The following UNC5D variants were observed in gnomAD, a reference collection of about 807,000 sequenced individuals.
UNC5D encodes the protein netrin receptor UNC5D.
A neutral mutation model predicts 105.4 loss-of-function variants in UNC5D; 39 were observed. That is an observed-to-expected ratio of 0.37 (90% CI 0.29 to 0.48). The LOEUF is 0.48. UNC5D is among the 20% of genes least tolerant of loss of function. The pLI, the probability that UNC5D is intolerant of heterozygous loss-of-function variation, is 0.98. For synonymous variants in UNC5D, 452 were observed against 450.4 expected, an observed-to-expected ratio of 1.00 and a Z score of -0.04; for missense variants, 991 against 1,202.4, an observed-to-expected ratio of 0.82 and a Z score of 2.60.
intron 1 of UNC5D, among the ~76,000 whole-genome samples, chr8:35,283,992 A>G (rs1200656289): frequency 6.6e-6 from 1 of 152,206 alleles, no homozygotes; most frequent in African/African-American, 2.4e-5. Flanking sequence ...AGTTTTAACA[A>G]GAGTAATTTC....
At chr8:35,405,787 C>T (rs1356097541) in intron 1 of UNC5D, among the ~76,000 whole-genome samples, 2 of 152,028 alleles carry the variant, frequency 1.3e-5, no homozygotes, top group African/African-American at 4.8e-5. Flanking sequence ...GCTTTTAGCA[C>T]TTCTTTCTTG....
intron 4 of UNC5D, among the ~76,000 whole-genome samples, chr8:35,624,053 C>T (rs908675296): frequency 1.3e-5 from 2 of 151,954 alleles, no homozygotes; most frequent in East Asian, 1.9e-4. Context: ...GCACTCCAGC[C>T]TGGGCGACAC....
chr8:35,695,385 T>C (rs1042927685), intron 7 of UNC5D, among the ~76,000 whole-genome samples: 4 of 152,144 alleles, frequency 2.6e-5, no homozygotes, highest in African/African-American at 9.7e-5. Flanking sequence ...AAGTCATACA[T>C]GGTTGTGCAC....
chr8:35,258,423 A>G (rs1291603159), intron 1 of UNC5D, among the ~76,000 whole-genome samples: 1 of 152,178 alleles, frequency 6.6e-6, no homozygotes, highest in East Asian at 1.9e-4. Context: ...GGCAGAGCAC[A>G]CAGTGTGGGG....
At chr8:35,689,451 T>C (rs545895871) in intron 7 of UNC5D, among the ~76,000 whole-genome samples, 65 of 152,316 alleles carry the variant, frequency 4.3e-4, no homozygotes, top group Middle Eastern at 6.8e-3. Flanking sequence ...CAATAGGATA[T>C]GCACACACAT....
intron 1 of UNC5D, among the ~76,000 whole-genome samples, chr8:35,318,563 G>C (rs761856173): frequency 2.0e-5 from 3 of 151,926 alleles, no homozygotes; most frequent in African/African-American, 4.8e-5. Flanking sequence ...GGTTGTTTTA[G>C]GAATAAAAGC....
intron 1 of UNC5D, among the ~76,000 whole-genome samples, chr8:35,343,821 C>A (rs1036715063): frequency 2.6e-5 from 4 of 152,200 alleles, no homozygotes; most frequent in Middle Eastern, 3.4e-3. Flanking sequence ...AATTCTGCAG[C>A]CTTGCTGTTT....
chr8:35,670,005 G>A (rs1376472247), intron 4 of UNC5D, among the ~76,000 whole-genome samples: 1 of 152,124 alleles, frequency 6.6e-6, no homozygotes, highest in Non-Finnish European at 1.5e-5. Flanking sequence ...ATGATCATGT[G>A]GGGAGGTGTT....
chr8:35,595,757 A>G (rs958066673), intron 4 of UNC5D, 100 bp downstream of exon 4: 7 of 1,006,006 alleles, frequency 7.0e-6, no homozygotes, highest in South Asian at 1.4e-5. Flanking sequence ...AAAGGAGCCC[A>G]TGTCTGGGAT....
chr8:35,755,276 G>GT (rs907753550), intron 13 of UNC5D, among the ~76,000 whole-genome samples: 15 of 151,636 alleles, frequency 9.9e-5, no homozygotes, highest in South Asian at 4.2e-4. Context: ...AACAACTAGG[G>GT]TTTTTTTTGC....
chr8:35,545,770 A>C (rs567465727), intron 1 of UNC5D, among the ~76,000 whole-genome samples: 1 of 152,196 alleles, frequency 6.6e-6, no homozygotes, highest in African/African-American at 2.4e-5. Context: ...CACTCTAGTA[A>C]ATCATTTTCC....
chr8:35,780,298 C>G (rs1047637772), intron 16 of UNC5D, among the ~76,000 whole-genome samples: 4 of 152,198 alleles, frequency 2.6e-5, no homozygotes, highest in Non-Finnish European at 4.4e-5. Context: ...CCTCATATCT[C>G]ATGCCTGACA....
chr8:35,766,969 G>A lies in UNC5D; in HGVS notation c.2381G>A (p.Arg794His), dbSNP rs1240940953. The A allele has an allele frequency of 2.5e-6, 4 of 1,614,026 alleles. No homozygotes were observed. Among genetic ancestry groups the A allele is most frequent in the Non-Finnish European group, 1.7e-6 (2 of 1,179,970 alleles). The change falls in exon 15 of 17, where the codon CGT (arginine) becomes CAT (histidine). Residue 794 changes from arginine to histidine, a missense_variant. Physicochemically the swap from Arg to His is conservative, Grantham distance 29. Around this residue, in one of 3 missense-constraint regions of UNC5D, gnomAD observed 944 missense variants for 1,131.6 expected, o/e 0.83. Coordinates refer to ENST00000404895, the MANE Select transcript of UNC5D (RefSeq NM_080872.4). ...QPLHCAFSLE[R>H]YTPTTTQLSC... is the part of the protein sequence containing the mutation. ...CTGCACTGTGCCTTCTCCCTGGAGC[G>A]TTATACGCCCACTACCACCCAGCTG...
intron 1 of UNC5D, among the ~76,000 whole-genome samples, chr8:35,514,015 C>T (rs979386217): frequency 6.6e-6 from 1 of 152,100 alleles, no homozygotes; most frequent in African/African-American, 2.4e-5. Flanking sequence ...GCACACAAGC[C>T]ATGTAAGAAA....
At chr8:35,359,753 A>G (rs987215986) in intron 1 of UNC5D, among the ~76,000 whole-genome samples, 3 of 152,178 alleles carry the variant, frequency 2.0e-5, no homozygotes, top group Non-Finnish European at 2.9e-5. Flanking sequence ...TCCATTTTTT[A>G]TATGAGGATT....
chr8:35,355,501 A>T (rs1801503473), intron 1 of UNC5D, among the ~76,000 whole-genome samples: 2 of 152,130 alleles, frequency 1.3e-5, no homozygotes, highest in South Asian at 4.1e-4. Context: ...CTTCCATAGA[A>T]GCCTTTTGAA....
chr8:35,501,335 T>C (rs1811959577), intron 1 of UNC5D, among the ~76,000 whole-genome samples: 1 of 152,244 alleles, frequency 6.6e-6, no homozygotes, highest in Admixed American at 6.5e-5. Flanking sequence ...TGTGCCCTAG[T>C]TGTAGCTTTT....
intron 4 of UNC5D, among the ~76,000 whole-genome samples, chr8:35,650,419 A>G (rs1563631140): frequency 2.0e-5 from 3 of 152,050 alleles, no homozygotes; most frequent in African/African-American, 4.8e-5. Flanking sequence ...AATGATCACT[A>G]CTGTGGATTA....
intron 1 of UNC5D, among the ~76,000 whole-genome samples, chr8:35,240,410 T>C (rs1802732142): frequency 6.6e-6 from 1 of 152,344 alleles, no homozygotes; most frequent in African/African-American, 2.4e-5. Flanking sequence ...GTAATACTTA[T>C]TAGTAATACT....
Sources: allele counts gnomAD v4.1 joint callset (sites outside exome capture counted in the v4.1 genomes callset), GRCh38; gene constraint gnomAD v4.1.1; regional missense constraint gnomAD v4.1.1; transcripts MANE v1.5; gene names NCBI Gene and HGNC (gene_info 2026-07-23, HGNC 2026-07-21).